The following NARS2 variants were observed in gnomAD, a reference collection of about 807,000 sequenced individuals.
NARS2 encodes the protein asparaginyl-tRNA synthetase 2, mitochondrial, also known as asparaginyl-tRNA synthetase.
In NARS2, 60 loss-of-function variants were observed where a neutral mutation model predicts 62.9. The ratio of observed to expected loss-of-function variants is 0.95; its 90% confidence interval spans 0.77 to 1.18. The LOEUF (loss-of-function observed/expected upper bound fraction) is 1.18. NARS2 is among the 50% of genes most tolerant of loss of function. The pLI, the probability that NARS2 is intolerant of heterozygous loss-of-function variation, is 0.00. For missense variants in NARS2, 619 were observed against 576.4 expected (o/e 1.07, Z -0.76); for synonymous variants, 196 against 200.0 (o/e 0.98, Z 0.17).
At chr11:78,508,593 A>ACAAAAAAC (rs71046975) in intron 6 of NARS2, among the ~76,000 whole-genome samples, 19 of 149,764 alleles carry the variant, frequency 1.3e-4, no homozygotes, top group Non-Finnish European at 2.2e-4. Context: ...ATCTCAAAAA[A>ACAAAAAAC]AAAAAACAAA....
chr11:78,489,376 C>G (rs1859718496), intron 7 of NARS2, among the ~76,000 whole-genome samples: 1 of 152,038 alleles, frequency 6.6e-6, no homozygotes, highest in Non-Finnish European at 1.5e-5. Flanking sequence ...AAATTAAAAC[C>G]ACAAAGAGAT....
At chr11:78,487,245 A>T (rs1859617026) in intron 7 of NARS2, among the ~76,000 whole-genome samples, 1 of 151,706 alleles carries the variant, frequency 6.6e-6, no homozygotes, top group Non-Finnish European at 1.5e-5. Context: ...AATCCCAGCT[A>T]CTCAGGAGGC....
chr11:78,488,761 G>T (rs1462091355), intron 7 of NARS2, among the ~76,000 whole-genome samples: 1 of 152,136 alleles, frequency 6.6e-6, no homozygotes, highest in Non-Finnish European at 1.5e-5. Context: ...GTAGAATACG[G>T]AACAGAATAG....
intron 11 of NARS2, among the ~76,000 whole-genome samples, chr11:78,462,080 G>A (rs1052859986): frequency 6.6e-6 from 1 of 152,192 alleles, no homozygotes; most frequent in African/African-American, 2.4e-5. Context: ...GGGTAACCCA[G>A]AAAAATCTTT....
chr11:78,540,219 A>C (rs2135458986), intron 5 of NARS2, among the ~76,000 whole-genome samples: 1 of 152,322 alleles, frequency 6.6e-6, no homozygotes, highest in African/African-American at 2.4e-5. Flanking sequence ...TGTGTATCCC[A>C]GTGAATTTCT....
chr11:78,496,099 G>A (rs1348434790), intron 6 of NARS2, among the ~76,000 whole-genome samples: 4 of 152,090 alleles, frequency 2.6e-5, no homozygotes, highest in Non-Finnish European at 5.9e-5. Flanking sequence ...GATAGAGTAA[G>A]AACTAATGAC....
intron 6 of NARS2, among the ~76,000 whole-genome samples, chr11:78,527,241 G>A (rs1477894576): frequency 6.6e-6 from 1 of 152,090 alleles, no homozygotes; most frequent in African/African-American, 2.4e-5. Context: ...CTTTGAAACA[G>A]TTTTCTATTT....
At chr11:78,568,525 C>A in intron 3 of NARS2, 107 bp downstream of exon 3, 2 of 1,340,634 alleles carry the variant, frequency 1.5e-6, no homozygotes, top group East Asian at 2.3e-5. Context: ...TTATCTGTCA[C>A]AAATGAAATA....
chr11:78,512,596 A>C (rs1860758795), intron 6 of NARS2, among the ~76,000 whole-genome samples: 1 of 152,230 alleles, frequency 6.6e-6, no homozygotes, highest in Non-Finnish European at 1.5e-5. Context: ...TAGTATATAA[A>C]GTAGCCAGAA....
At position 78,497,241 on chromosome 11, in the gene NARS2, G is replaced by GCAAAAAAAAAAAAAAAAAAAAAATAAA. The variant is rs1555023813; in HGVS notation, c.690-4047_690-4046insTTTATTTTTTTTTTTTTTTTTTTTTTG. Among the ~76,000 whole-genome samples, 2 of 107,316 alleles carry GCAAAAAAAAAAAAAAAAAAAAAATAAA rather than the reference G, an allele frequency of 1.9e-5. 1 individual carries two copies. Among genetic ancestry groups the GCAAAAAAAAAAAAAAAAAAAAAATAAA allele is most frequent in the Non-Finnish European group, 3.6e-5 (2 of 55,296 alleles). The allele number at this position is 107,316 out of a possible 152,430, so 70.4% of individuals were successfully genotyped here. On this transcript the variant is annotated intron_variant, in intron 6 of 13. Transcript: ENST00000281038. ...TCTTTGGAAAATAAAAAGCAAAATT[G>GCAAAAAAAAAAAAAAAAAAAAAATAAA]AAAAAAAAAAAAAAAAAAAAGGTTC...
intron 7 of NARS2, among the ~76,000 whole-genome samples, chr11:78,488,589 C>T (rs12295220): frequency 0.024 from 3,648 of 152,178 alleles, 135 homozygotes; most frequent in African/African-American, 0.076. Flanking sequence ...ATAATAAATT[C>T]GAGTTGTTTT....
At chr11:78,521,311 C>T (rs1262399174) in intron 6 of NARS2, among the ~76,000 whole-genome samples, 3 of 151,966 alleles carry the variant, frequency 2.0e-5, no homozygotes, top group Non-Finnish European at 4.4e-5. Context: ...ACTACAGGCA[C>T]ATGCCACCAT....
intron 6 of NARS2, among the ~76,000 whole-genome samples, chr11:78,515,977 G>A (rs1434184226): frequency 6.6e-6 from 1 of 152,152 alleles, no homozygotes; most frequent in African/African-American, 2.4e-5. Flanking sequence ...TCTCCTCTTT[G>A]TCTTCCCTGT....
At chr11:78,444,744 G>T (rs1338218723) in intron 11 of NARS2, among the ~76,000 whole-genome samples, 1 of 129,856 alleles carries the variant, frequency 7.7e-6, no homozygotes, top group East Asian at 2.6e-4. Context: ...AAAAAAAAGG[G>T]TGATAAGAAA....
intron 6 of NARS2, among the ~76,000 whole-genome samples, chr11:78,515,884 G>A (rs1860892052): frequency 6.6e-6 from 1 of 152,024 alleles, no homozygotes. Context: ...CAATAAAGTT[G>A]TTCTTTAAAA....
chr11:78,493,199 C>G lies in NARS2; in HGVS notation c.690-4G>C. 1 of 1,609,870 alleles carries G rather than the reference C, an allele frequency of 6.2e-7. No homozygotes were observed. Among genetic ancestry groups the G allele is most frequent in the South Asian group, 1.1e-5 (1 of 90,472 alleles). On this transcript the variant is annotated splice_region_variant and splice_polypyrimidine_tract_variant and intron_variant, in intron 6 of 13. Transcript: ENST00000281038. ...GGTAAACACTTGAGTAAAAGCTCTG[C>G]AATTCAAGATTAAGAGAATGCAAAT...
chr11:78,521,480 T>A (rs996714066), intron 6 of NARS2, among the ~76,000 whole-genome samples: 2 of 152,100 alleles, frequency 1.3e-5, no homozygotes, highest in African/African-American at 2.4e-5. Context: ...GCCTGTGTCA[T>A]CTTTAAAGAA....
chr11:78,443,737 C>G lies in NARS2; in HGVS notation c.1186G>C (p.Val396Leu). The G allele has an allele frequency of 6.2e-7, 1 of 1,612,962 alleles. No homozygotes were observed. The highest frequency in any genetic ancestry group is 8.5e-7 in the Non-Finnish European group (1 of 1,179,370). The change falls in exon 12 of 14, where the codon GTT becomes CTT. Residue 396 changes from valine to leucine, a missense_variant. By Grantham distance (32) the Val-to-Leu change is conservative. Transcript: ENST00000281038. Reference protein sequence around the residue: ...QHTVAAVDLLVPGVGELFGGG... With the variant: ...QHTVAAVDLLLPGVGELFGGG... ...CCAAAGAGTTCCCCAACTCCAGGAACCAGAAGATCAACAGCAGCAACCTAA... is the reference window on the plus strand; with the variant it reads ...CCAAAGAGTTCCCCAACTCCAGGAAGCAGAAGATCAACAGCAGCAACCTAA...
chr11:78,468,318 A>G (rs1427961153), intron 10 of NARS2, among the ~76,000 whole-genome samples: 4 of 146,272 alleles, frequency 2.7e-5, no homozygotes, highest in Non-Finnish European at 3.0e-5. Flanking sequence ...CTGAAAAAAA[A>G]AAAAAAAAAA....
Sources: allele counts gnomAD v4.1 joint callset (sites outside exome capture counted in the v4.1 genomes callset), GRCh38; gene constraint gnomAD v4.1.1; transcripts MANE v1.5; gene names NCBI Gene and HGNC (gene_info 2026-07-23, HGNC 2026-07-21).